The following CLECL1 variants were observed in gnomAD, a reference collection of about 807,000 sequenced individuals.
The protein encoded by CLECL1 is C-type lectin like 1, also known as C-type lectin-like domain family 1.
At chr12:9,708,818 T>G in the CLECL1 span, 1 of 184,346 alleles carries the variant, frequency 5.4e-6, no homozygotes, top group Non-Finnish European at 1.1e-5. Flanking sequence ...CATCACACCC[T>G]GAGTATTTGC....
downstream of CLECL1, among the ~76,000 whole-genome samples, chr12:9,713,103 G>A (rs775961649): frequency 9.9e-5 from 15 of 152,182 alleles, no homozygotes; most frequent in Admixed American, 2.6e-4. Flanking sequence ...TGAAAGGGTC[G>A]TGATTGATTT....
downstream of CLECL1, among the ~76,000 whole-genome samples, chr12:9,711,512 TA>T (rs141838777): frequency 3.1e-4 from 46 of 150,816 alleles, no homozygotes; most frequent in African/African-American, 7.6e-4. Flanking sequence ...GTAAGTTATT[TA>T]AAAAAAAAAA....
chr12:9,708,479 G>T, the CLECL1 span, among the ~76,000 whole-genome samples: 1 of 152,058 alleles, frequency 6.6e-6, no homozygotes, highest in Non-Finnish European at 1.5e-5. Flanking sequence ...GCTTCAGGCT[G>T]AGGTCCTAAA....
At chr12:9,712,422 T>G (rs1201978470), downstream of CLECL1, among the ~76,000 whole-genome samples, 1 of 152,266 alleles carries the variant, frequency 6.6e-6, no homozygotes, top group Non-Finnish European at 1.5e-5. Context: ...CATCTTCCTA[T>G]AGTTCTTTTT....
intron 1 of CLECL1, among the ~76,000 whole-genome samples, chr12:9,731,989 A>G (rs768079096): frequency 2.0e-5 from 3 of 152,338 alleles, no homozygotes; most frequent in African/African-American, 7.2e-5. Flanking sequence ...ACTATTTCAT[A>G]GGAAGTGAAA....
chr12:9,711,648 T>A (rs186725276), downstream of CLECL1, among the ~76,000 whole-genome samples: 517 of 152,274 alleles, frequency 3.4e-3, 1 homozygote, highest in Middle Eastern at 6.8e-3. Flanking sequence ...TATTATTTTT[T>A]TTTTTTGCAG....
chr12:9,709,477 A>G, the CLECL1 span: 1 of 152,252 alleles, frequency 6.6e-6, no homozygotes, highest in Non-Finnish European at 1.5e-5. Context: ...ATTAAGGAGG[A>G]TATTGACAGG....
At chr12:9,724,302 A>G (rs867527604) in intron 3 of CLECL1, among the ~76,000 whole-genome samples, 11 of 152,218 alleles carry the variant, frequency 7.2e-5, no homozygotes, top group South Asian at 4.1e-4. Flanking sequence ...CACAATGTAT[A>G]GTATATAATC....
At chr12:9,714,829 T>C (rs1024282194), downstream of CLECL1, among the ~76,000 whole-genome samples, 1 of 152,208 alleles carries the variant, frequency 6.6e-6, no homozygotes, top group African/African-American at 2.4e-5. Flanking sequence ...GGCTACATGC[T>C]TGGCTAACTG....
intron 3 of CLECL1, among the ~76,000 whole-genome samples, chr12:9,727,496 G>A (rs1366868110): frequency 6.6e-6 from 1 of 151,610 alleles, no homozygotes; most frequent in East Asian, 1.9e-4. Context: ...TTCAGATATC[G>A]TCAAAGAAAA....
intron 3 of CLECL1, among the ~76,000 whole-genome samples, chr12:9,727,281 G>A (rs890919735): frequency 2.0e-5 from 3 of 151,702 alleles, no homozygotes; most frequent in Non-Finnish European, 3.0e-5. Flanking sequence ...ACCTGTGCTT[G>A]CACATACCCC....
At chr12:9,730,630 G>A (rs967591528) in intron 1 of CLECL1, among the ~76,000 whole-genome samples, 1 of 152,112 alleles carries the variant, frequency 6.6e-6, no homozygotes, top group Non-Finnish European at 1.5e-5. Flanking sequence ...AATTGTGGGA[G>A]TCAAGTCAGT....
Position 9,732,947 on chromosome 12 carries a change from A to C in CLECL1, n.82+2T>G. 2 of 1,594,968 alleles carry C rather than the reference A, an allele frequency of 1.3e-6. No individual in the cohort carries two copies. Among genetic ancestry groups the C allele is most frequent in the Non-Finnish European group, 1.7e-6 (2 of 1,167,878 alleles). On this transcript the variant is annotated splice_donor_variant and non_coding_transcript_variant, in intron 1 of 3. Coordinates refer to ENST00000621400, the Ensembl canonical transcript of CLECL1. ...CTCAAAGGCACCCTAAATCCAGCTT[A>C]CCAGATCTCTGAAGTGGAAACGCGA...
At chr12:9,715,487 A>G (rs765913625), downstream of CLECL1, among the ~76,000 whole-genome samples, 2 of 152,182 alleles carry the variant, frequency 1.3e-5, no homozygotes, top group African/African-American at 2.4e-5. Flanking sequence ...GTTACTATAC[A>G]AAGTTTCTCT....
downstream of CLECL1, among the ~76,000 whole-genome samples, chr12:9,720,655 A>ATCAC (rs1255339696): frequency 6.6e-6 from 1 of 152,140 alleles, no homozygotes; most frequent in Non-Finnish European, 1.5e-5. Flanking sequence ...CCTCTGTATT[A>ATCAC]TCACTGTTTT....
At chr12:9,711,529 C>A (rs1866200865), downstream of CLECL1, among the ~76,000 whole-genome samples, 1 of 146,028 alleles carries the variant, frequency 6.8e-6, no homozygotes, top group Non-Finnish European at 1.5e-5. Context: ...AAAAAAAAAT[C>A]TCTTCTTAGT....
chr12:9,723,592 A>G (rs1398942143), intron 3 of CLECL1, among the ~76,000 whole-genome samples: 1 of 152,144 alleles, frequency 6.6e-6, no homozygotes, highest in African/African-American at 2.4e-5. Context: ...CCTTAGGCCA[A>G]TTGTAGTCCC....
chr12:9,727,070 TAAA>T (rs1866388790), intron 3 of CLECL1, among the ~76,000 whole-genome samples: 1 of 151,630 alleles, frequency 6.6e-6, no homozygotes. Flanking sequence ...AAATGTAAAT[TAAA>T]AAATTAAAAT....
At chr12:9,722,796 T>A (rs1213331630) in exon 4 of CLECL1, 4 of 1,608,220 alleles carry the variant, frequency 2.5e-6, no homozygotes, top group South Asian at 1.1e-5. Context: ...TTATGGACAG[T>A]AGAAAAGTTG....
Sources: gnomAD v4.1 joint callset for allele counts (sites outside exome capture counted in the v4.1 genomes callset) on GRCh38, gnomAD v4.1.1 for gene constraint, MANE v1.5 for transcripts, NCBI Gene and HGNC (gene_info 2026-07-23, HGNC 2026-07-21) for gene names.